The following GPR137C variants were observed in gnomAD, a reference collection of about 807,000 sequenced individuals.
GPR137C encodes the protein integral membrane protein GPR137C.
Under a neutral mutation model 43.4 loss-of-function variants are expected in GPR137C, and 27 were observed. The observed-to-expected ratio is 0.62, with a 90% CI of 0.46 to 0.86. The LOEUF (loss-of-function observed/expected upper bound fraction) is 0.86, where lower values mean the gene tolerates loss of function less well. Among genes scored for constraint, GPR137C ranks in the 40% least tolerant of loss-of-function variants. GPR137C has a pLI of 0.00. For missense variants in GPR137C, 522 were observed against 534.6 expected (o/e 0.98, Z 0.23); for synonymous variants, 285 against 226.9 (o/e 1.26, Z -2.30).
chr14:52,632,792 G>A (rs914908858), intron 4 of GPR137C, among the ~76,000 whole-genome samples: 22 of 152,006 alleles, frequency 1.4e-4, no homozygotes, highest in African/African-American at 3.9e-4. Flanking sequence ...GAGAGCATTC[G>A]TAGTTCCTTG....
chr14:52,584,359 A>T (rs773124827), intron 1 of GPR137C, among the ~76,000 whole-genome samples: 1 of 152,168 alleles, frequency 6.6e-6, no homozygotes, highest in Non-Finnish European at 1.5e-5. Flanking sequence ...TAAAGGTTGC[A>T]TAGTTGTTTT....
intron 1 of GPR137C, among the ~76,000 whole-genome samples, chr14:52,576,463 T>C (rs2038553730): frequency 6.6e-6 from 1 of 152,222 alleles, no homozygotes; most frequent in Non-Finnish European, 1.5e-5. Flanking sequence ...AAGAATTTCT[T>C]TCCCTTTGGG....
At chr14:52,622,863 A>G (rs2039176022) in intron 3 of GPR137C, among the ~76,000 whole-genome samples, 1 of 152,152 alleles carries the variant, frequency 6.6e-6, no homozygotes, top group African/African-American at 2.4e-5. Flanking sequence ...CACCAAAGAC[A>G]TTCTTCAATG....
intron 3 of GPR137C, among the ~76,000 whole-genome samples, chr14:52,626,247 A>G (rs2039226193): frequency 6.6e-6 from 1 of 152,188 alleles, no homozygotes; most frequent in African/African-American, 2.4e-5. Context: ...GCTGTACATT[A>G]ACACTTACAG....
At chr14:52,600,471 C>A (rs911176871) in intron 3 of GPR137C, 130 bp downstream of exon 3, 9 of 607,576 alleles carry the variant, frequency 1.5e-5, no homozygotes, top group Admixed American at 1.2e-4. Context: ...GACAGGGTCT[C>A]GCCATATTAG....
Position 52,611,840 on chromosome 14 carries a change from A to G in GPR137C, c.717+11499A>G, listed in dbSNP as rs2039042310. On this transcript the variant is annotated intron_variant, in intron 3 of 6. Transcript: ENST00000321662. ...TAATCATGTCCATAGTGGTGTTGCAAGGATGAAATAATAATGTATGGAAAG... is the reference window on the plus strand; with the variant it reads ...TAATCATGTCCATAGTGGTGTTGCAGGGATGAAATAATAATGTATGGAAAG... The G allele has an allele frequency of 4.4e-6, 3 of 680,858 alleles. No homozygotes were observed. In the Admixed American group the frequency reaches 1.9e-4, roughly 43 times the overall value. The allele number at this position is 680,858 out of a possible 1,614,324, so 42.2% of individuals were successfully genotyped here.
At chr14:52,563,352 G>A (rs540264498) in intron 1 of GPR137C, among the ~76,000 whole-genome samples, 2 of 150,212 alleles carry the variant, frequency 1.3e-5, no homozygotes, top group East Asian at 2.0e-4. Flanking sequence ...ACTTATCTCC[G>A]ATCCTTACTC....
chr14:52,615,200 T>C (rs926835117), intron 3 of GPR137C, among the ~76,000 whole-genome samples: 1 of 152,228 alleles, frequency 6.6e-6, no homozygotes, highest in African/African-American at 2.4e-5. Context: ...GCACCATTTA[T>C]TGAAGAAACT....
chr14:52,609,742 G>A (rs1161358861), intron 3 of GPR137C, among the ~76,000 whole-genome samples: 1 of 152,216 alleles, frequency 6.6e-6, no homozygotes, highest in Admixed American at 6.5e-5. Context: ...GGGGCTGGGT[G>A]GGAATGCTGG....
rs141236292 is a variant in GPR137C, at chr14:52,561,030, A to G, written c.444+7439A>G. Among the ~76,000 whole-genome samples the G allele has an allele frequency of 2.0e-5, 3 of 152,338 alleles. No individual in the cohort carries two copies. The East Asian group carries it at 5.8e-4, about 29-fold the overall frequency. On this transcript the variant is annotated intron_variant, in intron 1 of 6. Coordinates refer to ENST00000321662, the MANE Select transcript of GPR137C (RefSeq NM_001099652.2). ...TAAGAAAATCCAGTAAAAATGAACA[A>G]AGGATTTGAACAGATACTTCACAAA...
At chr14:52,562,679 A>G (rs909495445) in intron 1 of GPR137C, among the ~76,000 whole-genome samples, 1 of 152,222 alleles carries the variant, frequency 6.6e-6, no homozygotes, top group Admixed American at 6.5e-5. Context: ...AAAGGAAGAA[A>G]TTCCAATGGC....
chr14:52,581,327 A>G (rs1420058961), intron 1 of GPR137C, among the ~76,000 whole-genome samples: 2 of 150,882 alleles, frequency 1.3e-5, no homozygotes, highest in Non-Finnish European at 2.9e-5. Flanking sequence ...TGAGGTCAGG[A>G]GTTCAACACA....
At chr14:52,560,979 C>A (rs1266376458) in intron 1 of GPR137C, among the ~76,000 whole-genome samples, 1 of 151,934 alleles carries the variant, frequency 6.6e-6, no homozygotes, top group Non-Finnish European at 1.5e-5. Flanking sequence ...TACGTTTATC[C>A]AAAACATAAA....
At chr14:52,557,922 T>C (rs62005391) in intron 1 of GPR137C, among the ~76,000 whole-genome samples, 3 of 152,210 alleles carry the variant, frequency 2.0e-5, no homozygotes, top group African/African-American at 7.2e-5. Flanking sequence ...TCACATGGTT[T>C]CAAACCTTTT....
At chr14:52,575,159 T>C in intron 1 of GPR137C, among the ~76,000 whole-genome samples, 1 of 152,238 alleles carries the variant, frequency 6.6e-6, no homozygotes, top group East Asian at 1.9e-4. Flanking sequence ...CAGAGATTTT[T>C]AGTAACAAAA....
At chr14:52,582,596 C>G (rs774053815) in intron 1 of GPR137C, among the ~76,000 whole-genome samples, 12 of 152,168 alleles carry the variant, frequency 7.9e-5, no homozygotes, top group Non-Finnish European at 1.8e-4. Flanking sequence ...GAGTTCGAGA[C>G]CAGCCTGGCC....
rs183620421 is a variant in GPR137C at position 52,627,096 on chromosome 14, T to A, written c.718-5064T>A. Among the ~76,000 whole-genome samples, 1,257 of 152,242 alleles carry A rather than the reference T, an allele frequency of 8.3e-3. 9 individuals carry two copies. Among genetic ancestry groups the A allele is most frequent in the Non-Finnish European group, 0.014 (963 of 67,994 alleles). On this transcript the variant is annotated intron_variant, in intron 3 of 6. Coordinates refer to ENST00000321662, the MANE Select transcript of GPR137C (RefSeq NM_001099652.2). The stretch of plus-strand genomic sequence containing the variant: ...ATCATAATTTTACCATGCTTTTTTT[T>A]AAAAAAGGAAATTGGGCTGGAGGTG...
chr14:52,624,723 C>CAA (rs34539882), intron 3 of GPR137C, among the ~76,000 whole-genome samples: 1,502 of 132,958 alleles, frequency 0.011, 8 homozygotes, highest in Admixed American at 0.015. Context: ...TATGCTGTCT[C>CAA]AAAAAAAAAA....
intron 1 of GPR137C, among the ~76,000 whole-genome samples, chr14:52,574,744 A>G (rs1260824384): frequency 6.6e-6 from 1 of 152,044 alleles, no homozygotes; most frequent in Non-Finnish European, 1.5e-5. Flanking sequence ...AGCAAGCGAC[A>G]TTTCTTCTTT....
Sources: gnomAD v4.1 joint callset for allele counts (sites outside exome capture counted in the v4.1 genomes callset) on GRCh38, gnomAD v4.1.1 for gene constraint, MANE v1.5 for transcripts, NCBI Gene and HGNC (gene_info 2026-07-23, HGNC 2026-07-21) for gene names.